The following DSCAM variants were observed in gnomAD, a reference collection of about 807,000 sequenced individuals.
The protein encoded by DSCAM is DS cell adhesion molecule.
Under a neutral mutation model 217.7 loss-of-function variants are expected in DSCAM, and 47 were observed. That is an observed-to-expected ratio of 0.22 (90% CI 0.17 to 0.28). The LOEUF (loss-of-function observed/expected upper bound fraction) is 0.28, where lower values mean the gene tolerates loss of function less well. Ranked by LOEUF, DSCAM falls within the 10% of genes least tolerant of loss-of-function variation. The probability of loss-of-function intolerance (pLI) is 1.00; values close to 1 mark genes in which losing one functional copy is unlikely to be tolerated. For synonymous variants in DSCAM, 1,056 were observed against 1,015.3 expected (o/e 1.04, Z -0.76); for missense variants, 2,080 against 2,618.3 (o/e 0.79, Z 4.49).
intron 4 of DSCAM, among the ~76,000 whole-genome samples, chr21:40,357,770 G>A (rs2074710942): frequency 6.6e-6 from 1 of 151,870 alleles, no homozygotes; most frequent in African/African-American, 2.4e-5. Flanking sequence ...TAAATAACGA[G>A]TTAATGGGTG....
chr21:40,075,119 G>C lies in DSCAM; in HGVS notation c.4806C>G (p.Ile1602Met). The C allele has an allele frequency of 6.2e-7, 1 of 1,614,178 alleles. No homozygotes were observed. The change falls in exon 27 of 33, where the codon ATC becomes ATG. Residue 1602 changes from isoleucine to methionine, a missense_variant. This residue lies in a region of DSCAM where 1,144 missense variants were observed against 1,421.1 expected (regional missense o/e 0.81). Coordinates refer to ENST00000400454, the MANE Select transcript of DSCAM (RefSeq NM_001389.5). Reference protein sequence around the residue: ...GLKMLVTISCILVGVLLLFVL... With the variant: ...GLKMLVTISCMLVGVLLLFVL... The stretch of plus-strand genomic sequence containing the variant: ...CAAACAGCAGCAAGACCCCCACCAG[G>C]ATACAGGAGATGGTCACCAGCATCT...
intron 3 of DSCAM, among the ~76,000 whole-genome samples, chr21:40,549,402 C>A (rs2076611849): frequency 6.6e-6 from 1 of 151,772 alleles, no homozygotes; most frequent in African/African-American, 2.4e-5. Context: ...TAAAAAAAAA[C>A]AACAATGCAT....
At chr21:40,483,475 T>A (rs1375118649) in intron 3 of DSCAM, among the ~76,000 whole-genome samples, 2 of 152,340 alleles carry the variant, frequency 1.3e-5, no homozygotes, top group Non-Finnish European at 2.9e-5. Flanking sequence ...GAAATTACCA[T>A]GGGAATTATA....
intron 3 of DSCAM, among the ~76,000 whole-genome samples, chr21:40,671,248 GA>G (rs1414299804): frequency 6.6e-6 from 1 of 152,212 alleles, no homozygotes; most frequent in Non-Finnish European, 1.5e-5. Flanking sequence ...TATTTAGAAA[GA>G]GATCAAAGAG....
Position 40,133,844 on chromosome 21 carries a change from C to T in DSCAM, c.3562+10G>A, listed in dbSNP as rs1264987420. On this transcript the variant is annotated intron_variant, in intron 19 of 32. Transcript: ENST00000400454. ...CAACTGCTGGGACCCACCGCCCACC[C>T]GTCTCTCACCATCCTCTTTGGTCCG... The T allele has an allele frequency of 6.3e-7, 1 of 1,592,286 alleles. No individual in the cohort carries two copies.
intron 3 of DSCAM, among the ~76,000 whole-genome samples, chr21:40,597,576 G>A (rs1018045617): frequency 1.4e-5 from 2 of 139,918 alleles, no homozygotes; most frequent in African/African-American, 5.5e-5. Context: ...ACATGATCTC[G>A]GCTCACTGCA....
intron 3 of DSCAM, among the ~76,000 whole-genome samples, chr21:40,535,904 T>C (rs1449735233): frequency 2.0e-5 from 3 of 152,160 alleles, no homozygotes; most frequent in Non-Finnish European, 4.4e-5. Flanking sequence ...ACATGGATCA[T>C]GATTTGGGAG....
chr21:40,608,981 G>T (rs534940624), intron 3 of DSCAM, among the ~76,000 whole-genome samples: 4 of 152,066 alleles, frequency 2.6e-5, no homozygotes, highest in Non-Finnish European at 5.9e-5. Context: ...TTGGGACAGG[G>T]TCTCACTCTG....
chr21:40,711,397 G>A (rs955957745), intron 1 of DSCAM, among the ~76,000 whole-genome samples: 3 of 152,164 alleles, frequency 2.0e-5, no homozygotes, highest in Admixed American at 6.5e-5. Flanking sequence ...AAAGGTGATT[G>A]GACTCATCTT....
chr21:40,346,044 T>C (rs183495968), intron 6 of DSCAM, among the ~76,000 whole-genome samples: 113 of 152,330 alleles, frequency 7.4e-4, no homozygotes, highest in African/African-American at 2.6e-3. Context: ...TCGTTATGGA[T>C]CATCAATATG....
intron 15 of DSCAM, among the ~76,000 whole-genome samples, chr21:40,170,759 T>C (rs2146781849): frequency 1.3e-5 from 2 of 152,330 alleles, no homozygotes; most frequent in East Asian, 1.9e-4. Flanking sequence ...ACAGCTATAC[T>C]GAGGCTGGGT....
intron 15 of DSCAM, among the ~76,000 whole-genome samples, chr21:40,168,839 C>A (rs1369999383): frequency 6.6e-6 from 1 of 152,122 alleles, no homozygotes; most frequent in African/African-American, 2.4e-5. Flanking sequence ...AGTTCACATT[C>A]TGGTTCTATC....
chr21:40,027,522 C>T (rs7509698), intron 32 of DSCAM, among the ~76,000 whole-genome samples: 22,440 of 131,890 alleles, frequency 0.17, 1,957 homozygotes, highest in Middle Eastern at 0.23. Flanking sequence ...ACCAATCAGA[C>T]GTAGATTTGG....
chr21:40,695,659 C>A (rs552722780), intron 2 of DSCAM, among the ~76,000 whole-genome samples: 9 of 152,222 alleles, frequency 5.9e-5, no homozygotes, highest in South Asian at 2.1e-4. Context: ...GTGCAGTGAG[C>A]CTTTAAAAAA....
intron 10 of DSCAM, among the ~76,000 whole-genome samples, chr21:40,295,793 G>A (rs188014255): frequency 4.8e-4 from 73 of 151,916 alleles, no homozygotes; most frequent in African/African-American, 1.6e-3. Flanking sequence ...CTTCCTAAGT[G>A]CTGAAACAAT....
At chr21:40,693,013 A>T (rs565177325) in intron 2 of DSCAM, 57 bp from the exon 3 acceptor site, 1 of 1,570,100 alleles carries the variant, frequency 6.4e-7, no homozygotes, top group Non-Finnish European at 8.7e-7. Flanking sequence ...TCATTCTGAG[A>T]GTATCTCACT....
At chr21:40,049,790 C>G (rs551578386) in intron 30 of DSCAM, among the ~76,000 whole-genome samples, 273 of 152,314 alleles carry the variant, frequency 1.8e-3, no homozygotes, top group Non-Finnish European at 3.0e-3. Context: ...TTTACAGTAT[C>G]TGCTGTGACT....
chr21:40,594,854 G>C (rs1050011764), intron 3 of DSCAM, among the ~76,000 whole-genome samples: 1 of 152,160 alleles, frequency 6.6e-6, no homozygotes, highest in Non-Finnish European at 1.5e-5. Flanking sequence ...AGTCTTTGTA[G>C]AGGGAACCCC....
At chr21:40,332,044 T>C (rs1055966462) in intron 8 of DSCAM, among the ~76,000 whole-genome samples, 3 of 152,184 alleles carry the variant, frequency 2.0e-5, no homozygotes, top group Non-Finnish European at 2.9e-5. Flanking sequence ...AGCCTCTCCA[T>C]CTCCCAAGCA....
Sources: gnomAD v4.1 joint callset for allele counts (sites outside exome capture counted in the v4.1 genomes callset) on GRCh38, gnomAD v4.1.1 for gene constraint, gnomAD v4.1.1 regional missense constraint, MANE v1.5 for transcripts, NCBI Gene and HGNC (gene_info 2026-07-23, HGNC 2026-07-21) for gene names.